CADPS: variants seen among roughly 807,000 people sequenced by gnomAD.
CADPS encodes calcium dependent secretion activator.
A neutral mutation model predicts 167.3 loss-of-function variants in CADPS; 57 were observed. That is an observed-to-expected ratio of 0.34 (90% confidence interval 0.28 to 0.42). The LOEUF (loss-of-function observed/expected upper bound fraction) is 0.42, where lower values mean the gene tolerates loss of function less well. CADPS is among the 20% of genes least tolerant of loss of function. The pLI is 1.00. For missense variants in CADPS, 1,414 were observed against 1,738.1 expected (o/e 0.81, Z 3.32); for synonymous variants, 676 against 635.3 (o/e 1.06, Z -0.96).
intron 3 of CADPS, among the ~76,000 whole-genome samples, chr3:62,675,157 T>C (rs998147440): frequency 1.3e-5 from 2 of 152,220 alleles, no homozygotes; most frequent in Admixed American, 6.5e-5. Context: ...TACCTCAACA[T>C]GTAGCTTTCA....
chr3:62,804,927 A>G (rs11717546), intron 1 of CADPS, among the ~76,000 whole-genome samples: 26,830 of 152,162 alleles, frequency 0.18, 2,785 homozygotes, highest in Middle Eastern at 0.3. Context: ...AAGTATAAAT[A>G]ATCAAGGATT....
intron 3 of CADPS, among the ~76,000 whole-genome samples, chr3:62,708,050 TGAGTATCTGG>T (rs2082653691): frequency 6.6e-6 from 1 of 152,046 alleles, no homozygotes; most frequent in Admixed American, 6.6e-5. Context: ...CTCAGCCTTC[TGAGTATCTGG>T]GACCATAGGC....
At chr3:62,613,609 G>C (rs903460511) in intron 6 of CADPS, among the ~76,000 whole-genome samples, 1 of 152,156 alleles carries the variant, frequency 6.6e-6, no homozygotes, top group Non-Finnish European at 1.5e-5. Context: ...GTTAGTGTTT[G>C]GTGGAGGATA....
chr3:62,564,752 A>G (rs2152407685), intron 9 of CADPS, among the ~76,000 whole-genome samples: 1 of 151,960 alleles, frequency 6.6e-6, no homozygotes, highest in South Asian at 2.1e-4. Flanking sequence ...GACTACAGGC[A>G]CATGCCACCA....
chr3:62,832,684 A>G (rs986973857), intron 1 of CADPS, among the ~76,000 whole-genome samples: 1 of 152,224 alleles, frequency 6.6e-6, no homozygotes, highest in Non-Finnish European at 1.5e-5. Flanking sequence ...GCTCATCATC[A>G]GCTTCTGATG....
chr3:62,816,974 T>C (rs894127832), intron 1 of CADPS, among the ~76,000 whole-genome samples: 2 of 152,146 alleles, frequency 1.3e-5, no homozygotes, highest in African/African-American at 4.8e-5. Flanking sequence ...AAAATTTTTT[T>C]TGGCCTTTCT....
At chr3:62,464,100 G>A (rs2059676046) in intron 26 of CADPS, among the ~76,000 whole-genome samples, 1 of 152,122 alleles carries the variant, frequency 6.6e-6, no homozygotes, top group Admixed American at 6.5e-5. Context: ...TCTATTATGA[G>A]CTAGGCCTAT....
intron 1 of CADPS, among the ~76,000 whole-genome samples, chr3:62,840,645 A>C (rs984756662): frequency 6.6e-6 from 1 of 152,162 alleles, no homozygotes; most frequent in African/African-American, 2.4e-5. Context: ...ATGGGAAATA[A>C]ACAATTTAGT....
intron 28 of CADPS, among the ~76,000 whole-genome samples, chr3:62,425,991 C>T (rs565583165): frequency 2.6e-5 from 4 of 152,136 alleles, no homozygotes; most frequent in East Asian, 1.9e-4. Flanking sequence ...TTTCCTTTAG[C>T]GATACTGTGG....
At chr3:62,594,204 C>T (rs1382254973) in intron 6 of CADPS, among the ~76,000 whole-genome samples, 1 of 149,018 alleles carries the variant, frequency 6.7e-6, no homozygotes, top group Non-Finnish European at 1.5e-5. Flanking sequence ...CTCTGTCGCC[C>T]AGGCTGGAGT....
intron 1 of CADPS, among the ~76,000 whole-genome samples, chr3:62,819,868 A>G (rs9842219): frequency 0.15 from 22,122 of 152,158 alleles, 1,898 homozygotes; most frequent in African/African-American, 0.23. Flanking sequence ...CTGGTCTCCC[A>G]TGAACTCTGC....
intron 3 of CADPS, among the ~76,000 whole-genome samples, chr3:62,665,022 G>T (rs1335540772): frequency 6.6e-6 from 1 of 152,160 alleles, no homozygotes; most frequent in East Asian, 1.9e-4. Context: ...ACTCCATGGA[G>T]CTTAAATCCA....
intron 6 of CADPS, among the ~76,000 whole-genome samples, chr3:62,599,574 T>C (rs2148988939): frequency 1.0e-5 from 1 of 97,948 alleles, no homozygotes; most frequent in South Asian, 2.7e-4. Flanking sequence ...TTATATAAAT[T>C]ATACAAATTA....
At chr3:62,449,426 A>G (rs1191390132) in intron 26 of CADPS, among the ~76,000 whole-genome samples, 1 of 152,200 alleles carries the variant, frequency 6.6e-6, no homozygotes, top group East Asian at 1.9e-4. Flanking sequence ...GGAGAAATTG[A>G]CAGAACCAGG....
In CADPS at chr3:62,496,757, G is replaced by A. The variant is rs115819884; in HGVS notation, c.2706+2405C>T. ...CAGAGCCTAAACTCCTGGACACCCT[G>A]CGTTCTATTGCTTGAAGGACAGGCT... On this transcript the variant is annotated intron_variant, in intron 18 of 29. Coordinates refer to ENST00000383710, the MANE Select transcript of CADPS (RefSeq NM_003716.4). Among the ~76,000 whole-genome samples the A allele has an allele frequency of 9.6e-3, 1,467 of 152,274 alleles. 18 individuals carry two copies. The highest frequency in any genetic ancestry group is 0.034 in the African/African-American group (1,398 of 41,550).
chr3:62,491,216 T>C, intron 21 of CADPS, 123 bp downstream of exon 21: 1 of 1,102,568 alleles, frequency 9.1e-7, no homozygotes, highest in Non-Finnish European at 1.3e-6. Flanking sequence ...GTAGAAGAAA[T>C]GTATGGTGTT....
chr3:62,456,782 C>T (rs1305764587), intron 26 of CADPS, among the ~76,000 whole-genome samples: 1 of 150,664 alleles, frequency 6.6e-6, no homozygotes, highest in Non-Finnish European at 1.5e-5. Context: ...AAAAAAAACC[C>T]AATATAATAA....
chr3:62,501,719 T>A (rs751868536), intron 17 of CADPS, among the ~76,000 whole-genome samples: 1 of 152,192 alleles, frequency 6.6e-6, no homozygotes. Flanking sequence ...AAATAATTCA[T>A]ACCAATATTT....
intron 9 of CADPS, among the ~76,000 whole-genome samples, chr3:62,567,573 T>C (rs1368387307): frequency 8.0e-6 from 1 of 125,608 alleles, no homozygotes; most frequent in Non-Finnish European, 1.7e-5. Flanking sequence ...GCTTTTTTTT[T>C]TTTTTTTTTT....
Sources: gnomAD v4.1 joint callset for allele counts (sites outside exome capture counted in the v4.1 genomes callset) on GRCh38, gnomAD v4.1.1 for gene constraint, MANE v1.5 for transcripts, NCBI Gene and HGNC (gene_info 2026-07-23, HGNC 2026-07-21) for gene names.